Variants in LRRC32 observed in about 807,000 individuals in gnomAD.
LRRC32 encodes transforming growth factor beta activator LRRC32.
Under a neutral mutation model 15.0 loss-of-function variants are expected in LRRC32, and 5 were observed. The observed-to-expected ratio is 0.33, with a 90% CI of 0.17 to 0.70. The LOEUF (loss-of-function observed/expected upper bound fraction) is 0.70, where lower values mean the gene tolerates loss of function less well. LRRC32 is among the 30% of genes least tolerant of loss of function. The pLI is 0.66. For missense variants in LRRC32, 803 were observed against 854.2 expected (o/e 0.94, Z 0.75); for synonymous variants, 391 against 403.9 (o/e 0.97, Z 0.38).
intron 2 of LRRC32, among the ~76,000 whole-genome samples, chr11:76,664,044 T>C: frequency 6.6e-6 from 1 of 152,180 alleles, no homozygotes; most frequent in East Asian, 1.9e-4. Flanking sequence ...TGGACCCACT[T>C]ACTGACTGTT....
In LRRC32 at chr11:76,659,934, G is replaced by A. The variant is rs1270329944; in HGVS notation, c.1659C>T (p.Gly553=). 2.0e-5 allele frequency: 33 copies of A among 1,613,944 alleles called. No individual in the cohort carries two copies. The highest frequency in any genetic ancestry group is 2.8e-5 in the Non-Finnish European group (33 of 1,180,014). The change falls in exon 3 of 3, where the codon GGC becomes GGT. Residue 553 remains glycine (G), a synonymous_variant. Coordinates refer to ENST00000260061, the MANE Select transcript of LRRC32 (RefSeq NM_001128922.2). Reference sequence around the variant, plus strand: ...TGGTCTCCAGGCCACCCATGGCACTGCCTGGCAGGAGGCTGAAGCTGTTGT... The same window carrying A: ...TGGTCTCCAGGCCACCCATGGCACTACCTGGCAGGAGGCTGAAGCTGTTGT... The part of the protein sequence containing the change: ...LRNNSFSLLP[G]SAMGGLETSL...
In LRRC32 at chr11:76,661,408, C is replaced by G. The variant is rs760271590; in HGVS notation, c.185G>C (p.Arg62Pro). The change falls in exon 3 of 3, where the codon CGG (arginine) becomes CCG (proline). Residue 62 changes from arginine to proline, a missense_variant. Physicochemically the swap from Arg to Pro is moderately radical, Grantham distance 103 (BLOSUM62 -2). Transcript: ENST00000260061. ...ETLDLSGNQLRSILASPLGFY... is the reference protein window; with the variant it reads ...ETLDLSGNQLPSILASPLGFY... ...GCCCAGGGGTGAGGCCAGGATACTC[C>G]GCAGCTGGTTCCCAGATAGATCAAG... 2 of 1,613,960 alleles carry G rather than the reference C, an allele frequency of 1.2e-6. No homozygotes were observed. Among genetic ancestry groups the G allele is most frequent in the Admixed American group, 3.3e-5 (2 of 59,996 alleles).
chr11:76,661,900 T>A (rs796552954), intron 2 of LRRC32, among the ~76,000 whole-genome samples: 5 of 152,216 alleles, frequency 3.3e-5, no homozygotes, highest in South Asian at 4.1e-4. Flanking sequence ...AGGGCAGAGC[T>A]GGGACCCAGG....
intron 1 of LRRC32, among the ~76,000 whole-genome samples, chr11:76,667,462 G>A (rs912151932): frequency 6.6e-6 from 1 of 152,194 alleles, no homozygotes; most frequent in Admixed American, 6.5e-5. Flanking sequence ...GTTGGAACCC[G>A]CTAGTGATGA....
intron 1 of LRRC32, among the ~76,000 whole-genome samples, chr11:76,668,331 C>T (rs779933863): frequency 6.6e-6 from 1 of 152,102 alleles, no homozygotes; most frequent in Non-Finnish European, 1.5e-5. Context: ...CAATCCTGGC[C>T]TTGACCACAG....
At chr11:76,667,054 C>T (rs1952637194) in intron 1 of LRRC32, among the ~76,000 whole-genome samples, 1 of 152,234 alleles carries the variant, frequency 6.6e-6, no homozygotes, top group Non-Finnish European at 1.5e-5. Flanking sequence ...CTCTGAGCCT[C>T]AGTCTCCTCA....
Position 76,658,580 on chromosome 11 carries a change from C to T in LRRC32, c.*1024G>A, listed in dbSNP as rs1952452865. 6.6e-6 allele frequency: 1 copy of T among 152,398 alleles called. No individual in the cohort carries two copies. The highest frequency in any genetic ancestry group is 1.5e-5 in the Non-Finnish European group (1 of 68,070). 9.4% of individuals were successfully genotyped at this position (152,398 alleles called of 1,614,324 possible). A position where few individuals can be genotyped will look rare whatever the true frequency, so the allele number is the denominator to read the frequency against. On this transcript the variant is annotated 3_prime_UTR_variant, in exon 3 of 3. Transcript: ENST00000260061. ...AGAAGGATGAAGGTTTGAATCTCAC[C>T]TATGGCATTAGTTAGCTGGGGCCCT...
At chr11:76,661,593 C>T (rs1478638601) in intron 2 of LRRC32, 85 bp from the exon 3 acceptor site, 1 of 1,460,446 alleles carries the variant, frequency 6.8e-7, no homozygotes, top group Non-Finnish European at 9.0e-7. Context: ...AGGAACCCTG[C>T]CTGGCTGGGG....
chr11:76,663,665 A>G (rs1212820604), intron 2 of LRRC32: 1 of 152,338 alleles, frequency 6.6e-6, no homozygotes, highest in Admixed American at 6.5e-5. Flanking sequence ...TGCCTTGCCC[A>G]TCCTTGCCCT....
chr11:76,661,266 C>T lies in LRRC32; in HGVS notation c.327G>A (p.Leu109=), dbSNP rs1952526482. ...CAGCACTCAGCGCAGTGGCCATCGC[C>T]AGCCGGTTGTGAGCCAGGCTGAGGT... ...LEHLSLAHNR[L]AMATALSAGG... Residue 109 remains leucine (L), a synonymous_variant, in exon 3 of 3, where the codon CTG becomes CTA. Transcript: ENST00000260061. 1 of 1,614,000 alleles carries T rather than the reference C, an allele frequency of 6.2e-7. No individual in the cohort carries two copies. The highest frequency in any genetic ancestry group is 1.1e-5 in the South Asian group (1 of 91,086).
At position 76,659,510 on chromosome 11, in the gene LRRC32, C is replaced by G. The variant is rs1323527421; in HGVS notation, c.*94G>C. On this transcript the variant is annotated 3_prime_UTR_variant, in exon 3 of 3. Transcript: ENST00000260061. ...GGGCTGTAATTTGGAGACCAGAGTT[C>G]TGGGATCCCGGATCACTGTGTGACC... The G allele has an allele frequency of 7.3e-7, 1 of 1,365,280 alleles. No homozygotes were observed. The highest frequency in any genetic ancestry group is 1.4e-5 in the African/African-American group (1 of 69,544). The allele number at this position is 1,365,280 out of a possible 1,614,324, so 84.6% of individuals were successfully genotyped here.
Position 76,660,417 on chromosome 11 carries a change from G to A in LRRC32, c.1176C>T (p.Leu392=), listed in dbSNP as rs760841251. ...ARALGSLRTL[L]LQGNALRDLP... The stretch of plus-strand genomic sequence containing the variant: ...GGTCCCGCAGGGCATTGCCCTGTAG[G>A]AGCAGCGTCCGCAGAGACCCCAGGG... Residue 392 remains leucine, a synonymous_variant, in exon 3 of 3, where the codon CTC becomes CTT. Transcript: ENST00000260061. 4.4e-5 allele frequency: 71 copies of A among 1,613,578 alleles called. No homozygotes were observed. In the South Asian group the frequency reaches 6.9e-4, roughly 16 times the overall value.
chr11:76,669,288 C>A (rs561855130), intron 1 of LRRC32, among the ~76,000 whole-genome samples: 134 of 151,002 alleles, frequency 8.9e-4, no homozygotes, highest in African/African-American at 3.2e-3. Flanking sequence ...GTGGCCTGGG[C>A]AAGAGGAGGC....
Position 76,661,112 on chromosome 11 carries a change from G to T in LRRC32, c.481C>A (p.Leu161Met), listed in dbSNP as rs761883951. Residue 161 changes from leucine (L) to methionine (M), a missense_variant, in exon 3 of 3, where the codon CTG (leucine) becomes ATG (methionine). By Grantham distance (15) the Leu-to-Met change is conservative (BLOSUM62 2). Coordinates refer to ENST00000260061, the MANE Select transcript of LRRC32 (RefSeq NM_001128922.2). ...LHTLSLAENSLTRLTRHTFRD... is the reference protein window; with the variant it reads ...LHTLSLAENSMTRLTRHTFRD... Reference sequence around the variant, plus strand: ...AAGGTGTGGCGGGTGAGGCGAGTCAGACTGTTCTCCGCCAGTGAGAGGGTA... The same window carrying T: ...AAGGTGTGGCGGGTGAGGCGAGTCATACTGTTCTCCGCCAGTGAGAGGGTA... 6.2e-7 allele frequency: 1 copy of T among 1,613,848 alleles called. No homozygotes were observed. The highest frequency in any genetic ancestry group is 1.3e-5 in the African/African-American group (1 of 74,936).
chr11:76,667,923 T>C (rs569025653), intron 1 of LRRC32, among the ~76,000 whole-genome samples: 1 of 152,364 alleles, frequency 6.6e-6, no homozygotes, highest in Admixed American at 6.5e-5. Context: ...GGGTCCCAGC[T>C]TAGATGGGCC....
Position 76,660,404 on chromosome 11 carries a change from C to T in LRRC32, c.1189G>A (p.Ala397Thr). The change falls in exon 3 of 3, where the codon GCC becomes ACC. Residue 397 changes from alanine to threonine, a missense_variant. Transcript: ENST00000260061. ...SLRTLLLQGN[A>T]LRDLPPYTFA... ...GTGTATGGGGGCAGGTCCCGCAGGG[C>T]ATTGCCCTGTAGGAGCAGCGTCCGC... is the stretch of plus-strand genomic sequence containing the variant. 6.2e-7 allele frequency: 1 copy of T among 1,613,678 alleles called. No homozygotes were observed. The highest frequency in any genetic ancestry group is 8.5e-7 in the Non-Finnish European group (1 of 1,179,852).
In LRRC32 at chr11:76,661,214, T is replaced by A; in HGVS notation, c.379A>T (p.Thr127Ser). ...CTGTTCCCAGACAGGTCCAGGGAGGTCACGCGTGGCAGGGGGCCCAGGCCA... is the reference window on the plus strand; with the variant it reads ...CTGTTCCCAGACAGGTCCAGGGAGGACACGCGTGGCAGGGGGCCCAGGCCA... ...AGGLGPLPRV[T>S]SLDLSGNSLY... Residue 127 changes from threonine to serine, a missense_variant, in exon 3 of 3, where the codon ACC becomes TCC. By Grantham distance (58) the Thr-to-Ser change is moderately conservative (BLOSUM62 1). Coordinates refer to ENST00000260061, the MANE Select transcript of LRRC32 (RefSeq NM_001128922.2). 3 of 1,613,460 alleles carry A rather than the reference T, an allele frequency of 1.9e-6. No individual in the cohort carries two copies. Among genetic ancestry groups the A allele is most frequent in the Non-Finnish European group, 2.5e-6 (3 of 1,179,850 alleles).
chr11:76,659,348 T>G lies in LRRC32; in HGVS notation c.*256A>C. On this transcript the variant is annotated 3_prime_UTR_variant, in exon 3 of 3. Coordinates refer to ENST00000260061, the MANE Select transcript of LRRC32 (RefSeq NM_001128922.2). ...CACAAAATACATGCTCAGTGAAGATTTGTTGATCTGACAGGTCAACATTAT... is the reference window on the plus strand; with the variant it reads ...CACAAAATACATGCTCAGTGAAGATGTGTTGATCTGACAGGTCAACATTAT... 2 of 494,324 alleles carry G rather than the reference T, an allele frequency of 4.0e-6. No homozygotes were observed. Among genetic ancestry groups the G allele is most frequent in the Non-Finnish European group, 7.3e-6 (2 of 275,090 alleles). The allele number at this position is 494,324 out of a possible 1,614,324, so 30.6% of individuals were successfully genotyped here.
chr11:76,669,668 T>C (rs1370002524), intron 1 of LRRC32: 1 of 152,132 alleles, frequency 6.6e-6, no homozygotes, highest in East Asian at 1.9e-4. Flanking sequence ...ACCTGAATAC[T>C]GTGTTTTCTC....
Sources: allele counts gnomAD v4.1 joint callset (sites outside exome capture counted in the v4.1 genomes callset), GRCh38; gene constraint gnomAD v4.1.1; transcripts MANE v1.5; gene names NCBI Gene and HGNC (gene_info 2026-07-23, HGNC 2026-07-21).